Variants in DIAPH1 observed in about 807,000 individuals in gnomAD.
DIAPH1 encodes protein diaphanous homolog 1.
A neutral mutation model predicts 140.7 loss-of-function variants in DIAPH1; 46 were observed. That is an observed-to-expected ratio of 0.33 (90% CI 0.26 to 0.42). DIAPH1 has a LOEUF of 0.42. Among genes scored for constraint, DIAPH1 ranks in the 10% least tolerant of loss-of-function variants. DIAPH1 has a pLI of 1.00. For missense variants in DIAPH1, 1,310 were observed against 1,558.7 expected (o/e 0.84, Z 2.69); for synonymous variants, 565 against 551.6 (o/e 1.02, Z -0.34).
At chr5:141,526,274 G>A (rs764575477) in intron 25 of DIAPH1, 23 bp downstream of exon 25, 3 of 1,614,186 alleles carry the variant, frequency 1.9e-6, no homozygotes, top group Non-Finnish European at 8.5e-7. Flanking sequence ...AAAAGATTCA[G>A]TCAGCAAGTA....
intron 6 of DIAPH1, among the ~76,000 whole-genome samples, chr5:141,582,813 G>T (rs2099896973): frequency 6.6e-6 from 1 of 152,100 alleles, no homozygotes; most frequent in Admixed American, 6.6e-5. Flanking sequence ...AGAGTCCAAG[G>T]TATACCTAAA....
intron 1 of DIAPH1, among the ~76,000 whole-genome samples, chr5:141,589,313 T>C (rs1326657929): frequency 6.6e-6 from 1 of 152,242 alleles, no homozygotes; most frequent in Non-Finnish European, 1.5e-5. Flanking sequence ...GTTACAGTGT[T>C]TATGGCCGGC....
At chr5:141,561,896 A>G (rs1471462334) in intron 18 of DIAPH1, 2 of 152,218 alleles carry the variant, frequency 1.3e-5, no homozygotes, top group Admixed American at 6.5e-5. Flanking sequence ...GGAAGCAAGA[A>G]AAAAATAAGG....
chr5:141,572,576 C>T (rs1349833773), intron 16 of DIAPH1, among the ~76,000 whole-genome samples: 5 of 152,010 alleles, frequency 3.3e-5, no homozygotes, highest in Non-Finnish European at 7.4e-5. Context: ...CCAAGGTGGG[C>T]GGATCACAAG....
chr5:141,586,911 T>C, intron 3 of DIAPH1, 131 bp downstream of exon 3: 3 of 907,178 alleles, frequency 3.3e-6, no homozygotes, highest in South Asian at 2.7e-5. Context: ...AAAGGGTTAA[T>C]ATTAAAAAGT....
intron 18 of DIAPH1, among the ~76,000 whole-genome samples, chr5:141,569,577 A>G (rs2099894848): frequency 2.0e-5 from 3 of 152,080 alleles, no homozygotes. Context: ...AGCCTGCCCA[A>G]CATGGTAAAA....
rs774367321 is a variant in DIAPH1, at chr5:141,576,758, A to G, written c.1394T>C (p.Ile465Thr). 3.8e-6 allele frequency: 6 copies of G among 1,599,992 alleles called. No individual in the cohort carries two copies. In the Admixed American group the frequency reaches 8.3e-5, roughly 22 times the overall value. Residue 465 changes from isoleucine to threonine, a missense_variant and splice_region_variant, in exon 13 of 28, where the codon ATT becomes ACT. Physicochemically the swap from Ile to Thr is moderately conservative, Grantham distance 89. This residue lies in a region of DIAPH1 where 589 missense variants were observed against 549.3 expected (regional missense o/e 1.07). Coordinates refer to ENST00000389054, the MANE Select transcript of DIAPH1 (RefSeq NM_005219.5). ...GCCAGATAGAAGAGTATGCTTACCA[A>G]TTAATCCCTCAATCTCAATCTGGAG... The part of the protein sequence containing the change: ...RHLQIEIEGL[I>T]DQMIDKTKVE...
At chr5:141,533,807 G>A (rs1481271203) in intron 19 of DIAPH1, among the ~76,000 whole-genome samples, 2 of 152,152 alleles carry the variant, frequency 1.3e-5, no homozygotes, top group Non-Finnish European at 2.9e-5. Context: ...CAGAGACACA[G>A]CTGGGCAGAT....
chr5:141,540,456 A>T (rs1321569653), intron 18 of DIAPH1, among the ~76,000 whole-genome samples: 1 of 151,914 alleles, frequency 6.6e-6, no homozygotes, highest in East Asian at 2.0e-4. Context: ...TAATTTTTAT[A>T]GTTTTAGTAG....
chr5:141,599,053 A>G (rs897915468), intron 1 of DIAPH1, among the ~76,000 whole-genome samples: 10 of 152,174 alleles, frequency 6.6e-5, no homozygotes, highest in African/African-American at 2.2e-4. Context: ...AATCAGAAAA[A>G]GGGCCCAGAG....
At chr5:141,529,756 A>G (rs578005978) in intron 19 of DIAPH1, 59 bp from the exon 20 acceptor site, 1 of 1,443,618 alleles carries the variant, frequency 6.9e-7, no homozygotes, top group Non-Finnish European at 9.7e-7. Flanking sequence ...CTTCCAACCC[A>G]TCCTGCAAAC....
intron 19 of DIAPH1, 99 bp downstream of exon 19, chr5:141,534,236 A>G: frequency 1.0e-6 from 1 of 963,714 alleles, no homozygotes; most frequent in East Asian, 2.4e-5. Context: ...GAATTGAACA[A>G]TTAAAGTTCC....
Position 141,580,844 on chromosome 5 carries a change from G to C in DIAPH1, c.724C>G (p.Leu242Val), listed in dbSNP as rs766359994. ...KTMLETEEGI[L>V]LLVRAMDPAV... ...GGATCCATGGCTCTGACCAGCAGTA[G>C]GATTCCTTCTTCTGTCTCCAACATG... The change falls in exon 8 of 28, where the codon CTA becomes GTA. Residue 242 changes from leucine to valine, a missense_variant. By Grantham distance (32) the Leu-to-Val change is conservative. This residue lies in a region of DIAPH1 where 377 missense variants were observed against 497.1 expected (regional missense o/e 0.76). Transcript: ENST00000389054. 6.8e-6 allele frequency: 11 copies of C among 1,614,044 alleles called. No homozygotes were observed. Among genetic ancestry groups the C allele is most frequent in the Admixed American group, 1.7e-5 (1 of 60,016 alleles).
Position 141,578,321 on chromosome 5 carries a change from T to C in DIAPH1, c.1067A>G (p.Glu356Gly). The change falls in exon 11 of 28, where the codon GAA becomes GGA. Residue 356 changes from glutamate (E) to glycine (G), a missense_variant. By Grantham distance (98) the Glu-to-Gly change is moderately conservative (BLOSUM62 -2). This residue lies in a region of DIAPH1 where 377 missense variants were observed against 497.1 expected (regional missense o/e 0.76). Transcript: ENST00000389054. ...CACATTTAGTTGCACTCTCATATCT[T>C]CATTTTCAATCTCTCGAAGGTCCTG... The part of the protein sequence containing the change: ...VLQDLREIEN[E>G]DMRVQLNVFD... The C allele has an allele frequency of 6.2e-7, 1 of 1,613,968 alleles. No homozygotes were observed. The highest frequency in any genetic ancestry group is 1.1e-5 in the South Asian group (1 of 91,084).
At chr5:141,539,303 T>C (rs1034878752) in intron 18 of DIAPH1, among the ~76,000 whole-genome samples, 1 of 151,906 alleles carries the variant, frequency 6.6e-6, no homozygotes, top group African/African-American at 2.4e-5. Context: ...TGTCAAATAT[T>C]CTATTTCTTG....
intron 26 of DIAPH1, among the ~76,000 whole-genome samples, chr5:141,525,071 G>A (rs546152489): frequency 6.6e-6 from 1 of 152,174 alleles, no homozygotes; most frequent in Admixed American, 6.5e-5. Context: ...CAGTACCTGG[G>A]GACAAACCCT....
chr5:141,533,070 T>C lies in DIAPH1; in HGVS notation c.2581+1265A>G, dbSNP rs183327644. On this transcript the variant is annotated intron_variant, in intron 19 of 27. Coordinates refer to ENST00000389054, the MANE Select transcript of DIAPH1 (RefSeq NM_005219.5). ...GTATCACTGACTTTACTTATGGGTATGTGTACTTATTGGCTGTGTGATCTG... is the reference window on the plus strand; with the variant it reads ...GTATCACTGACTTTACTTATGGGTACGTGTACTTATTGGCTGTGTGATCTG... 3.6e-4 allele frequency among the ~76,000 whole-genome samples: 55 copies of C among 152,342 alleles called. 1 individual carries two copies. The East Asian group carries it at 9.1e-3, about 25-fold the overall frequency.
chr5:141,601,597 G>A (rs1243267953), intron 1 of DIAPH1, among the ~76,000 whole-genome samples: 1 of 152,096 alleles, frequency 6.6e-6, no homozygotes, highest in Admixed American at 6.5e-5. Flanking sequence ...GACTATATTA[G>A]AACCTTCTTA....
intron 13 of DIAPH1, among the ~76,000 whole-genome samples, chr5:141,576,539 G>T (rs1037801592): frequency 2.6e-5 from 4 of 152,148 alleles, no homozygotes; most frequent in African/African-American, 9.7e-5. Context: ...GAGACCACCA[G>T]GAGTTCCTGC....
Sources: gnomAD v4.1 joint callset for allele counts (sites outside exome capture counted in the v4.1 genomes callset) on GRCh38, gnomAD v4.1.1 for gene constraint, gnomAD v4.1.1 regional missense constraint, MANE v1.5 for transcripts, NCBI Gene and HGNC (gene_info 2026-07-23, HGNC 2026-07-21) for gene names.